ADGRL1: variants seen among roughly 807,000 people sequenced by gnomAD.
The protein encoded by ADGRL1 is adhesion G protein-coupled receptor L1.
ADGRL1 carries 31 observed loss-of-function variants against 148.9 expected under a neutral mutation model. That is an observed-to-expected ratio of 0.21 (90% CI 0.16 to 0.28). The LOEUF is 0.28. ADGRL1 is among the 10% of genes least tolerant of loss of function. ADGRL1 has a pLI of 1.00. For missense variants in ADGRL1, 1,521 were observed against 2,058.8 expected, an observed-to-expected ratio of 0.74 and a Z score of 5.05; for synonymous variants, 937 against 900.3, an observed-to-expected ratio of 1.04 and a Z score of -0.73.
chr19:14,185,212 C>G (rs1313909570), intron 1 of ADGRL1, among the ~76,000 whole-genome samples: 1 of 152,204 alleles, frequency 6.6e-6, no homozygotes, highest in African/African-American at 2.4e-5. Flanking sequence ...TTTGCTTTAT[C>G]TACACCCTGG....
intron 1 of ADGRL1, among the ~76,000 whole-genome samples, chr19:14,195,960 T>C (rs1174386627): frequency 3.9e-5 from 6 of 152,140 alleles, no homozygotes; most frequent in Non-Finnish European, 4.4e-5. Context: ...ACAGTCATCC[T>C]GGATCCCTCT....
chr19:14,205,443 C>T (rs886634593), intron 1 of ADGRL1, among the ~76,000 whole-genome samples: 1 of 151,820 alleles, frequency 6.6e-6, no homozygotes, highest in African/African-American at 2.4e-5. Context: ...CGCGCCACTG[C>T]CTCCCAGAGA....
chr19:14,193,102 A>G (rs1221826202), intron 1 of ADGRL1, among the ~76,000 whole-genome samples: 3 of 151,910 alleles, frequency 2.0e-5, no homozygotes, highest in Non-Finnish European at 4.4e-5. Context: ...AGAGTTCCCC[A>G]GGAGCACGAC....
chr19:14,150,493 G>GC lies in ADGRL1; in HGVS notation c.*379dup, dbSNP rs1218800254. The GC allele has an allele frequency of 9.9e-6, 2 of 202,430 alleles. No homozygotes were observed. The highest frequency in any genetic ancestry group is 4.7e-5 in the African/African-American group (2 of 42,968). The allele number at this position is 202,430 out of a possible 1,614,324, so 12.5% of individuals were successfully genotyped here. On this transcript the variant is annotated 3_prime_UTR_variant, in exon 23 of 23. Coordinates refer to ENST00000361434, the MANE Select transcript of ADGRL1 (RefSeq NM_014921.5). ...GGGGCCTTTGGCAACCTCAGAAGCT[G>GC]CCCCTCCCTGCCCAGGAAACTAAAG...
Position 14,157,098 on chromosome 19 carries a change from A to G in ADGRL1, c.2793T>C (p.Ala931=), listed in dbSNP as rs1375661139. ...FAGLLHYFFL[A]AFSWLCLEGV... ...CCTCCAGGCACAGCCAGGAGAAGGC[A>G]GCCAGGAAGAAATAGTGCAGCAGGC... is the stretch of plus-strand genomic sequence containing the variant. Residue 931 remains alanine, a synonymous_variant, in exon 15 of 23, where the codon GCT becomes GCC. Coordinates refer to ENST00000361434, the MANE Select transcript of ADGRL1 (RefSeq NM_014921.5). The surrounding 1 kb of genome is among the most constrained non-coding windows in gnomAD (Gnocchi z 7.5). The G allele has an allele frequency of 1.2e-6, 2 of 1,614,140 alleles. No homozygotes were observed. The highest frequency in any genetic ancestry group is 1.6e-4 in the Middle Eastern group (1 of 6,062).
intron 1 of ADGRL1, among the ~76,000 whole-genome samples, chr19:14,204,713 T>TGAGTGA (rs1555693816): frequency 2.0e-4 from 28 of 143,000 alleles, no homozygotes; most frequent in South Asian, 4.4e-4. Context: ...ACAGAGAGAG[T>TGAGTGA]GAGAGAGAGA....
intron 2 of ADGRL1, among the ~76,000 whole-genome samples, chr19:14,180,305 G>T (rs1186369864): frequency 6.6e-6 from 1 of 152,168 alleles, no homozygotes; most frequent in Non-Finnish European, 1.5e-5. Flanking sequence ...ACCCAGGCTG[G>T]AGTGGAATGG....
Position 14,161,617 on chromosome 19 carries a change from G to A in ADGRL1, c.1205C>T (p.Thr402Ile). 7.1e-7 allele frequency: 1 copy of A among 1,415,272 alleles called. No homozygotes were observed. Among genetic ancestry groups the A allele is most frequent in the Non-Finnish European group, 9.2e-7 (1 of 1,089,896 alleles). 87.7% of individuals were successfully genotyped at this position (1,415,272 alleles called of 1,614,324 possible). ...GPPDPSAGPA[T>I]SPPLSTTTTA... ...GGTGGTCGTGCTGAGGGGTGGGGAA[G>A]TGGCTGGGCCTGGAGAGGGGATACG... is the stretch of plus-strand genomic sequence containing the variant. The change falls in exon 6 of 23, where the codon ACT (threonine) becomes ATT (isoleucine). Residue 402 changes from threonine (T) to isoleucine (I), a missense_variant. Physicochemically the swap from Thr to Ile is moderately conservative, Grantham distance 89. Transcript: ENST00000361434. This position sits in a 1 kb window ranked among gnomAD's most constrained non-coding sequence, Gnocchi z 4.4.
intron 1 of ADGRL1, chr19:14,191,071 A>G: frequency 4.4e-6 from 2 of 450,608 alleles, no homozygotes; most frequent in South Asian, 1.6e-5. Flanking sequence ...TGGCCGACAG[A>G]GCAAGACTCC....
chr19:14,180,741 G>A (rs887467509), intron 2 of ADGRL1, among the ~76,000 whole-genome samples: 6 of 151,122 alleles, frequency 4.0e-5, no homozygotes, highest in Non-Finnish European at 7.4e-5. Flanking sequence ...TTGTAGTGAT[G>A]GGGGTACTTG....
intron 11 of ADGRL1, among the ~76,000 whole-genome samples, 176 bp downstream of exon 11, chr19:14,158,914 G>C (rs1938258053): frequency 6.6e-6 from 1 of 152,218 alleles, no homozygotes; most frequent in East Asian, 1.9e-4. Context: ...CAACTGTAAG[G>C]CTCACCCTTA....
At chr19:14,193,352 C>T (rs914404305) in intron 1 of ADGRL1, among the ~76,000 whole-genome samples, 3 of 148,768 alleles carry the variant, frequency 2.0e-5, no homozygotes, top group Non-Finnish European at 4.4e-5. Flanking sequence ...TTTGGGAGGC[C>T]AAGGTGGGAG....
rs898822910 is a variant in ADGRL1, at chr19:14,157,532, C to T, written c.2536-72G>A. 6.7e-7 allele frequency: 1 copy of T among 1,485,538 alleles called. No homozygotes were observed. The highest frequency in any genetic ancestry group is 9.3e-7 in the Non-Finnish European group (1 of 1,071,054). The allele number at this position is 1,485,538 out of a possible 1,614,324, so 92.0% of individuals were successfully genotyped here. A position where few individuals can be genotyped will look rare whatever the true frequency, so the allele number is the denominator to read the frequency against. On this transcript the variant is annotated intron_variant, in intron 13 of 22. Transcript: ENST00000361434. This position sits in a 1 kb window ranked among gnomAD's most constrained non-coding sequence, Gnocchi z 7.5. ...GCTGGGCTCAGCCAGGTGCCAGCCA[C>T]AGACAGGGCCCTGGGCAAGGCCATG...
rs757267977 is a variant in ADGRL1, at chr19:14,157,305, G to A, written c.2691C>T (p.Asn897=). The A allele has an allele frequency of 7.4e-6, 12 of 1,614,190 alleles. No homozygotes were observed. Among genetic ancestry groups the A allele is most frequent in the East Asian group, 6.7e-5 (3 of 44,890 alleles). ...GGAAGAGCAGCTCAGCCAGGAAGAGGTTGATGCACAGGTTCTTGTGGATGG... is the reference window on the plus strand; with the variant it reads ...GGAAGAGCAGCTCAGCCAGGAAGAGATTGATGCACAGGTTCTTGTGGATGG... The part of the protein sequence containing the change: ...RNTIHKNLCI[N]LFLAELLFLV... Residue 897 remains asparagine (N), a synonymous_variant, in exon 14 of 23, where the codon AAC becomes AAT. Coordinates refer to ENST00000361434, the MANE Select transcript of ADGRL1 (RefSeq NM_014921.5). The surrounding 1 kb of genome is among the most constrained non-coding windows in gnomAD (Gnocchi z 7.5).
At position 14,157,221 on chromosome 19, in the gene ADGRL1, G is replaced by A; in HGVS notation, c.2745+30C>T. On this transcript the variant is annotated intron_variant, in intron 14 of 22. Transcript: ENST00000361434. The surrounding 1 kb of genome is among the most constrained non-coding windows in gnomAD (Gnocchi z 7.5). ...TTCTTCTCCCGGCCCCCAGGCGCTG[G>A]CCGTCACCTGCCCTAGAGTCCCAGC... 5 of 1,613,630 alleles carry A rather than the reference G, an allele frequency of 3.1e-6. No homozygotes were observed. The highest frequency in any genetic ancestry group is 4.2e-6 in the Non-Finnish European group (5 of 1,179,716).
At chr19:14,174,835 C>CT (rs1970708551) in intron 3 of ADGRL1, among the ~76,000 whole-genome samples, 1 of 133,272 alleles carries the variant, frequency 7.5e-6, no homozygotes, top group Non-Finnish European at 1.6e-5. Context: ...TGCACCTGGT[C>CT]TGTTTTTTTT....
Position 14,163,418 on chromosome 19 carries a change from G to A in ADGRL1, c.395-12C>T. The A allele has an allele frequency of 6.5e-7, 1 of 1,528,110 alleles. No homozygotes were observed. Among genetic ancestry groups the A allele is most frequent in the Non-Finnish European group, 8.8e-7 (1 of 1,136,828 alleles). The allele number at this position is 1,528,110 out of a possible 1,614,324, so 94.7% of individuals were successfully genotyped here. A position where few individuals can be genotyped will look rare whatever the true frequency, so the allele number is the denominator to read the frequency against. ...TGGGCACACGAAGACTGGGCAGAGT[G>A]GGCGGGAGGGGAGGAGGTAGGAGAG... is the stretch of plus-strand genomic sequence containing the variant. On this transcript the variant is annotated splice_polypyrimidine_tract_variant and intron_variant, in intron 4 of 22. Transcript: ENST00000361434.
chr19:14,170,845 G>C, intron 3 of ADGRL1, 54 bp from the exon 4 acceptor site: 1 of 860,802 alleles, frequency 1.2e-6, no homozygotes, highest in African/African-American at 1.7e-5. Flanking sequence ...GGGTGGCGGG[G>C]GTGGGGGTGC....
Position 14,155,912 on chromosome 19 carries a change from C to A in ADGRL1, c.3125+198G>T. 5 of 595,034 alleles carry A rather than the reference C, an allele frequency of 8.4e-6. No homozygotes were observed. The highest frequency in any genetic ancestry group is 1.5e-5 in the Non-Finnish European group (5 of 331,942). The allele number at this position is 595,034 out of a possible 1,614,324, so 36.9% of individuals were successfully genotyped here. A position where few individuals can be genotyped will look rare whatever the true frequency, so the allele number is the denominator to read the frequency against. ...GATGCCCCTAAAACCACAGGTTGGA[C>A]GTGCTAATGATACGCTATCTAAGAC... On this transcript the variant is annotated intron_variant, in intron 17 of 22. Transcript: ENST00000361434. The surrounding 1 kb of genome is among the most constrained non-coding windows in gnomAD (Gnocchi z 5.0).
Sources: allele counts gnomAD v4.1 joint callset (sites outside exome capture counted in the v4.1 genomes callset), GRCh38; gene constraint gnomAD v4.1.1; non-coding constraint Gnocchi (gnomAD v3.1); transcripts MANE v1.5; gene names NCBI Gene and HGNC (gene_info 2026-07-23, HGNC 2026-07-21).